The following MARCHF10 variants were observed in gnomAD, a reference collection of about 807,000 sequenced individuals.
The protein encoded by MARCHF10 is membrane associated ring-CH-type finger 10.
In MARCHF10, 64 loss-of-function variants were observed where a neutral mutation model predicts 76.2. The ratio of observed to expected loss-of-function variants is 0.84; its 90% CI spans 0.69 to 1.03. The LOEUF (loss-of-function observed/expected upper bound fraction) is 1.03, where lower values mean the gene tolerates loss of function less well. MARCHF10 is among the 50% of genes least tolerant of loss of function. MARCHF10 has a pLI of 0.00. For missense variants in MARCHF10, 875 were observed against 958.0 expected (o/e 0.91, Z 1.14); for synonymous variants, 340 against 357.5 (o/e 0.95, Z 0.55).
chr17:62,772,143 T>C (rs1187492117), intron 3 of MARCHF10, among the ~76,000 whole-genome samples: 1 of 152,174 alleles, frequency 6.6e-6, no homozygotes, highest in Non-Finnish European at 1.5e-5. Flanking sequence ...TCTTGAATTG[T>C]AGCTCCCACA....
intron 5 of MARCHF10, among the ~76,000 whole-genome samples, chr17:62,741,816 T>A (rs910963236): frequency 4.6e-5 from 7 of 151,868 alleles, no homozygotes; most frequent in African/African-American, 1.7e-4. Flanking sequence ...TGCCTCAGCC[T>A]CCCGAGTAGC....
chr17:62,720,364 G>C (rs928139905), intron 8 of MARCHF10, among the ~76,000 whole-genome samples: 2 of 152,232 alleles, frequency 1.3e-5, no homozygotes, highest in African/African-American at 2.4e-5. Context: ...GTCCCAGTCT[G>C]AGTGAGCTTG....
At chr17:62,783,604 A>G (rs1031844275) in intron 3 of MARCHF10, among the ~76,000 whole-genome samples, 1 of 152,134 alleles carries the variant, frequency 6.6e-6, no homozygotes, top group Admixed American at 6.5e-5. Flanking sequence ...TTTTGAAAAG[A>G]TCAACAAAAT....
chr17:62,715,707 C>A (rs928662076), intron 8 of MARCHF10, among the ~76,000 whole-genome samples: 6 of 152,246 alleles, frequency 3.9e-5, no homozygotes, highest in African/African-American at 1.4e-4. Flanking sequence ...TGGGGTCCCA[C>A]AGCTGCTCTT....
intron 2 of MARCHF10, among the ~76,000 whole-genome samples, chr17:62,793,338 ACCATCAACCACCACCATCACACCT>A (rs1367794176): frequency 8.1e-6 from 1 of 122,940 alleles, no homozygotes; most frequent in African/African-American, 3.2e-5. Flanking sequence ...CACCACAAAC[ACCATCAACCACCACCATCACACCT>A]CCATCAACCA....
rs201679930 is a variant in MARCHF10 at position 62,736,632 on chromosome 17, C to T, written c.1236G>A (p.Glu412=). Residue 412 remains glutamate, a synonymous_variant, in exon 6 of 11, where the codon GAG becomes GAA. Transcript: ENST00000311269. The part of the protein sequence containing the change: ...SWDTKSEPRQ[E]VGVNAENVWS... ...ATACATTTTCAGCATTGACACCAAC[C>T]TCTTGTCTGGGCTCGGATTTGGTGT... The T allele has an allele frequency of 1.2e-6, 2 of 1,614,190 alleles. No homozygotes were observed. The highest frequency in any genetic ancestry group is 1.7e-5 in the Admixed American group (1 of 60,014).
chr17:62,759,961 T>G lies in MARCHF10; in HGVS notation c.256A>C (p.Lys86Gln). The G allele has an allele frequency of 6.2e-7, 1 of 1,613,990 alleles. No homozygotes were observed. Among genetic ancestry groups the G allele is most frequent in the South Asian group, 1.1e-5 (1 of 91,080 alleles). The change falls in exon 4 of 11, where the codon AAG becomes CAG. Residue 86 changes from lysine to glutamine, a missense_variant. By Grantham distance (53) the Lys-to-Gln change is moderately conservative. Coordinates refer to ENST00000311269, the MANE Select transcript of MARCHF10 (RefSeq NM_152598.4). ...GAGTCACACTTAAATGCAGATATCT[T>G]GATAGATGACCTTGGTTCAGTTAGA... ...DALTEPRSSI[K>Q]ISAFKCDSKL...
At chr17:62,748,222 C>A (rs1200060872) in intron 4 of MARCHF10, among the ~76,000 whole-genome samples, 2 of 151,994 alleles carry the variant, frequency 1.3e-5, no homozygotes, top group Non-Finnish European at 2.9e-5. Flanking sequence ...ATAGTGAAAC[C>A]CCGTCTCTAC....
intron 2 of MARCHF10, among the ~76,000 whole-genome samples, chr17:62,801,123 A>C (rs2093064448): frequency 6.6e-6 from 1 of 152,044 alleles, no homozygotes; most frequent in Admixed American, 6.6e-5. Context: ...ATAATACTAG[A>C]AGTGGATACA....
intron 3 of MARCHF10, among the ~76,000 whole-genome samples, chr17:62,776,216 T>G (rs1243578364): frequency 6.6e-6 from 1 of 152,160 alleles, no homozygotes; most frequent in Non-Finnish European, 1.5e-5. Context: ...AAAAAAGACA[T>G]TTTATTATAA....
chr17:62,705,027 T>C lies in MARCHF10; in HGVS notation c.2371+512A>G, dbSNP rs569664470. The C allele has an allele frequency of 9.1e-6, 9 of 992,622 alleles. No individual in the cohort carries two copies. In the East Asian group the frequency reaches 7.0e-4, roughly 77 times the overall value. The allele number at this position is 992,622 out of a possible 1,614,324, so 61.5% of individuals were successfully genotyped here. On this transcript the variant is annotated intron_variant, in intron 10 of 10. Coordinates refer to ENST00000311269, the MANE Select transcript of MARCHF10 (RefSeq NM_152598.4). ...TTTGCAGAGAGCCGTCTTGCCCGCT[T>C]TGAGGGCCCTTTCTTGGGAGACCTG...
At chr17:62,739,751 C>T (rs958535069) in intron 5 of MARCHF10, among the ~76,000 whole-genome samples, 4 of 152,136 alleles carry the variant, frequency 2.6e-5, no homozygotes, top group Admixed American at 6.5e-5. Flanking sequence ...GAACCGGAAT[C>T]TTCCGGTCAT....
intron 1 of MARCHF10, chr17:62,806,324 G>A (rs1273145091): frequency 6.6e-6 from 1 of 152,170 alleles, no homozygotes; most frequent in Non-Finnish European, 1.5e-5. Context: ...TTGAAGCCAA[G>A]AATTTTTCCC....
chr17:62,767,451 T>C (rs76373452), intron 3 of MARCHF10, among the ~76,000 whole-genome samples: 51 of 36,440 alleles, frequency 1.4e-3, no homozygotes, highest in Middle Eastern at 0.019. Context: ...GTCTGTATTC[T>C]TTTTTTTTTT....
intron 3 of MARCHF10, among the ~76,000 whole-genome samples, chr17:62,787,748 GGATA>G (rs539550748): frequency 3.1e-3 from 463 of 151,602 alleles, no homozygotes; most frequent in African/African-American, 8.7e-3. Flanking sequence ...AAAGATGGAT[GGATA>G]GATAGATAGA....
intron 4 of MARCHF10, among the ~76,000 whole-genome samples, chr17:62,751,481 A>C (rs2091896482): frequency 6.6e-6 from 1 of 152,136 alleles, no homozygotes; most frequent in South Asian, 2.1e-4. Context: ...ATGTTTGGAA[A>C]AGCAAGGATC....
intron 4 of MARCHF10, among the ~76,000 whole-genome samples, chr17:62,745,603 G>T (rs887040997): frequency 1.3e-5 from 2 of 152,174 alleles, no homozygotes; most frequent in African/African-American, 4.8e-5. Context: ...GTACAGAAAG[G>T]TTGCAAGCAT....
intron 3 of MARCHF10, 58 bp downstream of exon 3, chr17:62,788,422 C>CA: frequency 1.3e-6 from 2 of 1,546,014 alleles, no homozygotes; most frequent in Non-Finnish European, 1.8e-6. Flanking sequence ...CACACACACA[C>CA]CACCACCACC....
In MARCHF10 at chr17:62,759,857, C is replaced by T; in HGVS notation, c.360G>A (p.Val120=). 1 of 1,614,078 alleles carries T rather than the reference C, an allele frequency of 6.2e-7. No individual in the cohort carries two copies. Among genetic ancestry groups the T allele is most frequent in the Non-Finnish European group, 8.5e-7 (1 of 1,180,004 alleles). ...STMTVRKAEK[V]DPSEPSPADQ... is the part of the protein sequence containing the mutation. ...CACCTGGAGAGGGTTCGCTGGGGTC[C>T]ACTTTCTCTGCTTTCCTTACAGTCA... is the stretch of plus-strand genomic sequence containing the variant. The change falls in exon 4 of 11, where the codon GTG becomes GTA. Residue 120 remains valine, a synonymous_variant. Coordinates refer to ENST00000311269, the MANE Select transcript of MARCHF10 (RefSeq NM_152598.4).
Sources: gnomAD v4.1 joint callset for allele counts (sites outside exome capture counted in the v4.1 genomes callset) on GRCh38, gnomAD v4.1.1 for gene constraint, MANE v1.5 for transcripts, NCBI Gene and HGNC (gene_info 2026-07-23, HGNC 2026-07-21) for gene names.